TIMP3: variants seen among roughly 807,000 people sequenced by gnomAD.
TIMP3 encodes TIMP metallopeptidase inhibitor 3.
In TIMP3, 11 loss-of-function variants were observed where a neutral mutation model predicts 30.0. That is an observed-to-expected ratio of 0.37 (90% CI 0.23 to 0.61). TIMP3 has a LOEUF of 0.61. Ranked by LOEUF, TIMP3 falls within the 20% of genes least tolerant of loss-of-function variation. The probability of loss-of-function intolerance (pLI) is 0.70; values close to 1 mark genes in which losing one functional copy is unlikely to be tolerated. For missense variants in TIMP3, 181 were observed against 276.8 expected (o/e 0.65, Z 2.45); for synonymous variants, 112 against 111.3 (o/e 1.01, Z -0.04).
At chr22:32,839,580 G>A (rs1231099442) in intron 1 of TIMP3, among the ~76,000 whole-genome samples, 1 of 152,144 alleles carries the variant, frequency 6.6e-6, no homozygotes, top group Non-Finnish European at 1.5e-5. Context: ...CCCTGTCCCA[G>A]GCCAAGGTAT....
At chr22:32,849,949 T>C (rs2048174008) in intron 2 of TIMP3, among the ~76,000 whole-genome samples, 1 of 151,822 alleles carries the variant, frequency 6.6e-6, no homozygotes, top group African/African-American at 2.4e-5. Context: ...GACTCAACAG[T>C]GCTTACAGGT....
intron 1 of TIMP3, among the ~76,000 whole-genome samples, chr22:32,832,854 A>G (rs1340737619): frequency 6.6e-6 from 1 of 151,960 alleles, no homozygotes; most frequent in Non-Finnish European, 1.5e-5. Flanking sequence ...CAGCCTCCCA[A>G]GTAGCTGGGA....
chr22:32,821,366 C>CTGCA (rs1331403827), intron 1 of TIMP3, among the ~76,000 whole-genome samples: 4 of 152,196 alleles, frequency 2.6e-5, no homozygotes, highest in African/African-American at 9.7e-5. Context: ...CATTGAAGAT[C>CTGCA]TGCACTTGCT....
chr22:32,802,176 G>T (rs1164410098), intron 1 of TIMP3, 54 bp downstream of exon 1: 9 of 1,543,544 alleles, frequency 5.8e-6, no homozygotes, highest in Middle Eastern at 1.7e-4. Context: ...GGACTGCAGC[G>T]CTGCTTAGGG....
At chr22:32,806,385 C>T (rs114287663) in intron 1 of TIMP3, among the ~76,000 whole-genome samples, 1,698 of 152,294 alleles carry the variant, frequency 0.011, 35 homozygotes, top group African/African-American at 0.038. Flanking sequence ...CACATTCCAA[C>T]AGGTTCATTA....
intron 1 of TIMP3, among the ~76,000 whole-genome samples, chr22:32,844,485 C>G (rs945402304): frequency 2.0e-5 from 3 of 152,182 alleles, no homozygotes; most frequent in Non-Finnish European, 2.9e-5. Context: ...TACTAGCACT[C>G]TTGCCCAAAC....
chr22:32,850,190 A>G (rs1193099883), intron 2 of TIMP3, among the ~76,000 whole-genome samples: 1 of 151,610 alleles, frequency 6.6e-6, no homozygotes, highest in Non-Finnish European at 1.5e-5. Context: ...GGAAGGAGGT[A>G]TGCCCTTAAG....
chr22:32,824,478 C>A (rs1023649776), intron 1 of TIMP3, among the ~76,000 whole-genome samples: 4 of 151,940 alleles, frequency 2.6e-5, no homozygotes, highest in African/African-American at 9.7e-5. Context: ...CCACCAGAGA[C>A]AACAGCAGAT....
At chr22:32,802,596 C>A (rs183204970) in intron 1 of TIMP3, among the ~76,000 whole-genome samples, 413 of 152,208 alleles carry the variant, frequency 2.7e-3, no homozygotes, top group Middle Eastern at 0.01. Context: ...TCATCTCCTG[C>A]GCCTATGAAA....
At chr22:32,838,154 C>T (rs1240322272) in intron 1 of TIMP3, among the ~76,000 whole-genome samples, 1 of 152,118 alleles carries the variant, frequency 6.6e-6, no homozygotes, top group Admixed American at 6.5e-5. Context: ...TTACTGAATC[C>T]CCAAGACATG....
At position 32,862,596 on chromosome 22, in the gene TIMP3, A is replaced by T. The variant is rs958784027; in HGVS notation, c.*3219A>T. On this transcript the variant is annotated 3_prime_UTR_variant, in exon 5 of 5. Coordinates refer to ENST00000266085, the MANE Select transcript of TIMP3 (RefSeq NM_000362.5). Reference sequence around the variant, plus strand: ...TTTGGCTTCTGGCTACCTAAGGTTAACATGTCACTAGAGTATTTTTATGAG... The same window carrying T: ...TTTGGCTTCTGGCTACCTAAGGTTATCATGTCACTAGAGTATTTTTATGAG... 6 of 152,248 alleles carry T rather than the reference A, an allele frequency of 3.9e-5. No individual in the cohort carries two copies. The highest frequency in any genetic ancestry group is 6.5e-5 in the Admixed American group (1 of 15,284). The allele number at this position is 152,248 out of a possible 1,614,324, so 9.4% of individuals were successfully genotyped here. A position where few individuals can be genotyped will look rare whatever the true frequency, so the allele number is the denominator to read the frequency against.
At chr22:32,802,179 G>A in intron 1 of TIMP3, 57 bp downstream of exon 1, 1 of 1,538,020 alleles carries the variant, frequency 6.5e-7, no homozygotes, top group Non-Finnish European at 8.7e-7. Context: ...CTGCAGCGCT[G>A]CTTAGGGAGG....
intron 2 of TIMP3, among the ~76,000 whole-genome samples, chr22:32,850,191 T>C (rs1488884011): frequency 6.6e-6 from 1 of 151,574 alleles, no homozygotes; most frequent in Admixed American, 6.6e-5. Context: ...GAAGGAGGTA[T>C]GCCCTTAAGA....
rs760627784 is a variant in TIMP3, at chr22:32,857,230, A to C, written c.205-19A>C. ...CCAAACTGGGAAAGAAGAAGTCATG[A>C]TGTTCCTTTTGCCCACAGATGTACC... On this transcript the variant is annotated intron_variant, in intron 2 of 4. Coordinates refer to ENST00000266085, the MANE Select transcript of TIMP3 (RefSeq NM_000362.5). 1 of 1,586,338 alleles carries C rather than the reference A, an allele frequency of 6.3e-7. No homozygotes were observed. The highest frequency in any genetic ancestry group is 8.7e-7 in the Non-Finnish European group (1 of 1,155,006).
intron 1 of TIMP3, 51 bp from the exon 2 acceptor site, chr22:32,849,401 G>C (rs76858597): frequency 7.1e-6 from 11 of 1,551,216 alleles, no homozygotes; most frequent in Non-Finnish European, 8.9e-6. Flanking sequence ...TGCTGTTCCT[G>C]ATGTGGTTCA....
At position 32,861,658 on chromosome 22, in the gene TIMP3, A is replaced by C. The variant is rs2146309242; in HGVS notation, c.*2281A>C. On this transcript the variant is annotated 3_prime_UTR_variant, in exon 5 of 5. Transcript: ENST00000266085. ...CCTGAAGTTTCCCTGCGGAGTCGAT[A>C]AATTAGCAGAACCACATCCCCATCT... 6.5e-6 allele frequency: 1 copy of C among 152,750 alleles called. No individual in the cohort carries two copies. The highest frequency in any genetic ancestry group is 2.4e-5 in the African/African-American group (1 of 41,556). 9.5% of individuals were successfully genotyped at this position (152,750 alleles called of 1,614,324 possible). A position where few individuals can be genotyped will look rare whatever the true frequency, so the allele number is the denominator to read the frequency against.
intron 1 of TIMP3, among the ~76,000 whole-genome samples, chr22:32,841,727 TGCACACTCG>T (rs1400889475): frequency 6.6e-6 from 1 of 151,904 alleles, no homozygotes; most frequent in Non-Finnish European, 1.5e-5. Flanking sequence ...AAATAGCTAA[TGCACACTCG>T]GCTTAATACC....
intron 1 of TIMP3, among the ~76,000 whole-genome samples, chr22:32,830,475 G>T (rs572630683): frequency 6.6e-6 from 1 of 152,146 alleles, no homozygotes; most frequent in African/African-American, 2.4e-5. Flanking sequence ...TCATGTCTTT[G>T]CCCTGTGTGC....
chr22:32,853,243 C>T (rs1418503557), intron 2 of TIMP3, among the ~76,000 whole-genome samples: 1 of 152,208 alleles, frequency 6.6e-6, no homozygotes, highest in Non-Finnish European at 1.5e-5. Context: ...CAGAGACTGG[C>T]TCCATTTCTA....
Sources: gnomAD v4.1 joint callset for allele counts (sites outside exome capture counted in the v4.1 genomes callset) on GRCh38, gnomAD v4.1.1 for gene constraint, MANE v1.5 for transcripts, NCBI Gene and HGNC (gene_info 2026-07-23, HGNC 2026-07-21) for gene names.